DDX60: variants seen among roughly 807,000 people sequenced by gnomAD.
DDX60 encodes probable ATP-dependent RNA helicase DDX60.
DDX60 carries 165 observed loss-of-function variants against 212.8 expected under a neutral mutation model. That is an observed-to-expected ratio of 0.78 (90% CI 0.68 to 0.88). DDX60 has a LOEUF of 0.88. Ranked by LOEUF, DDX60 falls within the 40% of genes least tolerant of loss-of-function variation. DDX60 has a pLI of 0.00. For missense variants in DDX60, 1,905 were observed against 2,003.9 expected, an observed-to-expected ratio of 0.95 and a Z score of 0.94; for synonymous variants, 703 against 685.3, an observed-to-expected ratio of 1.03 and a Z score of -0.40.
rs1735293970 is a variant in DDX60, at chr4:168,275,472, C to A, written c.2177G>T (p.Arg726Met). Reference protein sequence around the residue: ...DAENDVKVKKRNKYSVGIGPA... With the variant: ...DAENDVKVKKMNKYSVGIGPA... ...CCCAATGCCAACTGAATATTTATTC[C>A]TTTTCTTCACTTTTACATCATTTTC... The change falls in exon 16 of 38, where the codon AGG (arginine) becomes ATG (methionine). Residue 726 changes from arginine (R) to methionine (M), a missense_variant. By Grantham distance (91) the Arg-to-Met change is moderately conservative. Transcript: ENST00000393743. 2 of 1,607,818 alleles carry A rather than the reference C, an allele frequency of 1.2e-6. No individual in the cohort carries two copies. The highest frequency in any genetic ancestry group is 4.5e-5 in the East Asian group (2 of 44,726).
At chr4:168,269,294 A>T (rs1734984881) in intron 19 of DDX60, among the ~76,000 whole-genome samples, 2 of 152,084 alleles carry the variant, frequency 1.3e-5, no homozygotes, top group Admixed American at 6.5e-5. Flanking sequence ...AATTCTTCAC[A>T]TCACAGCCAA....
chr4:168,218,450 C>G (rs981400202), intron 37 of DDX60, among the ~76,000 whole-genome samples: 3 of 152,132 alleles, frequency 2.0e-5, no homozygotes, highest in African/African-American at 7.2e-5. Context: ...GATCACTCTT[C>G]TGCATCATAT....
chr4:168,271,326 T>G (rs1327788587), intron 19 of DDX60, among the ~76,000 whole-genome samples: 1 of 152,206 alleles, frequency 6.6e-6, no homozygotes, highest in South Asian at 2.1e-4. Flanking sequence ...AGGACTCTTA[T>G]GATTTCTGGT....
In DDX60 at chr4:168,251,109, A is replaced by G; in HGVS notation, c.3706-3T>C. ...CGACCAAATACCTTCTGCAAAGTCT[A>G]AAAGAAGCAAGACATTTAGGGATTA... On this transcript the variant is annotated splice_polypyrimidine_tract_variant and splice_region_variant and intron_variant, in intron 27 of 37. Coordinates refer to ENST00000393743, the MANE Select transcript of DDX60 (RefSeq NM_017631.6). The G allele has an allele frequency of 6.2e-7, 1 of 1,605,066 alleles. No homozygotes were observed. Among genetic ancestry groups the G allele is most frequent in the Non-Finnish European group, 8.5e-7 (1 of 1,177,678 alleles).
At chr4:168,232,469 C>T (rs549718604) in intron 33 of DDX60, among the ~76,000 whole-genome samples, 3 of 151,910 alleles carry the variant, frequency 2.0e-5, no homozygotes, top group East Asian at 1.9e-4. Flanking sequence ...CTATACTATA[C>T]GGTTATAGTC....
At chr4:168,299,633 A>G (rs1356634936) in intron 6 of DDX60, among the ~76,000 whole-genome samples, 3 of 152,172 alleles carry the variant, frequency 2.0e-5, no homozygotes, top group Non-Finnish European at 2.9e-5. Flanking sequence ...AATTAATGAA[A>G]CAAGATAAAT....
intron 9 of DDX60, among the ~76,000 whole-genome samples, chr4:168,287,439 C>T (rs1397507636): frequency 6.6e-6 from 1 of 152,146 alleles, no homozygotes; most frequent in Non-Finnish European, 1.5e-5. Context: ...TTTGTAAGCA[C>T]ATTAACCCAC....
intron 28 of DDX60, 90 bp from the exon 29 acceptor site, chr4:168,248,382 G>C: frequency 1.1e-6 from 1 of 921,980 alleles, no homozygotes; most frequent in Non-Finnish European, 1.6e-6. Flanking sequence ...AAAACTCTTT[G>C]AGCTTCAATT....
At chr4:168,231,213 T>A (rs571445371) in intron 33 of DDX60, among the ~76,000 whole-genome samples, 1 of 151,970 alleles carries the variant, frequency 6.6e-6, no homozygotes, top group Admixed American at 6.6e-5. Context: ...TGGTATATAT[T>A]TTTTAAATGT....
At chr4:168,262,432 C>T (rs1579013992) in intron 23 of DDX60, among the ~76,000 whole-genome samples, 1 of 149,578 alleles carries the variant, frequency 6.7e-6, no homozygotes, top group African/African-American at 2.5e-5. Context: ...TAATAGTGTT[C>T]TAGAAGTTGC....
intron 10 of DDX60, among the ~76,000 whole-genome samples, chr4:168,286,115 GGAAA>G (rs1276470120): frequency 6.7e-6 from 1 of 148,384 alleles, no homozygotes. Context: ...GAGGAAGGAA[GGAAA>G]GAAGGAAGGA....
At chr4:168,306,985 T>G (rs1403009180) in intron 4 of DDX60, among the ~76,000 whole-genome samples, 4 of 152,230 alleles carry the variant, frequency 2.6e-5, no homozygotes, top group African/African-American at 9.6e-5. Flanking sequence ...ATTTTCTAAT[T>G]CTTTTCCTCT....
chr4:168,276,411 C>T (rs1735343911), intron 14 of DDX60, among the ~76,000 whole-genome samples: 1 of 151,962 alleles, frequency 6.6e-6, no homozygotes, highest in Admixed American at 6.6e-5. Context: ...AATTGTAGTT[C>T]ATAATAGAAA....
upstream of DDX60, among the ~76,000 whole-genome samples, chr4:168,322,237 C>A (rs1282438076): frequency 6.6e-6 from 1 of 152,168 alleles, no homozygotes; most frequent in Non-Finnish European, 1.5e-5. Flanking sequence ...CAGTTACAAT[C>A]TTCTCCTTCA....
chr4:168,223,523 G>T (rs1184952698), intron 35 of DDX60, among the ~76,000 whole-genome samples: 1 of 151,838 alleles, frequency 6.6e-6, no homozygotes, highest in Non-Finnish European at 1.5e-5. Flanking sequence ...ACACTTTCTT[G>T]TTGATATTCC....
At chr4:168,316,488 A>G (rs1351037579) in intron 1 of DDX60, among the ~76,000 whole-genome samples, 1 of 152,230 alleles carries the variant, frequency 6.6e-6, no homozygotes, top group Non-Finnish European at 1.5e-5. Context: ...CATCTTTCAC[A>G]GCAGGATGTC....
At chr4:168,290,429 C>T (rs138731889) in intron 8 of DDX60, among the ~76,000 whole-genome samples, 1,865 of 151,100 alleles carry the variant, frequency 0.012, 35 homozygotes, top group African/African-American at 0.042. Context: ...CCTGGGTTCA[C>T]ACCATTCTCC....
In DDX60 at chr4:168,236,315, G is replaced by C; in HGVS notation, c.4470C>G (p.Leu1490=). The change falls in exon 33 of 38, where the codon CTC becomes CTG. Residue 1490 remains leucine, a synonymous_variant. Coordinates refer to ENST00000393743, the MANE Select transcript of DDX60 (RefSeq NM_017631.6). The part of the protein sequence containing the change: ...MEKLVLVLAH[L]FGRRYFPPKF... The stretch of plus-strand genomic sequence containing the variant: ...TTGGTGGAAAATATCTTCTTCCAAA[G>C]AGATGTGCCAATACTAATACTAGCT... 1 of 1,610,992 alleles carries C rather than the reference G, an allele frequency of 6.2e-7. No individual in the cohort carries two copies. Among genetic ancestry groups the C allele is most frequent in the Non-Finnish European group, 8.5e-7 (1 of 1,178,312 alleles).
chr4:168,273,750 CAT>C (rs1735202124), intron 17 of DDX60, among the ~76,000 whole-genome samples, 182 bp downstream of exon 17: 1 of 150,490 alleles, frequency 6.6e-6, no homozygotes, highest in Non-Finnish European at 1.5e-5. Context: ...ATTTTATGTA[CAT>C]GTTTGTGTGT....
Sources: allele counts gnomAD v4.1 joint callset (sites outside exome capture counted in the v4.1 genomes callset), GRCh38; gene constraint gnomAD v4.1.1; transcripts MANE v1.5; gene names NCBI Gene and HGNC (gene_info 2026-07-23, HGNC 2026-07-21).